Variants in GUCY2C observed in about 807,000 individuals in gnomAD.
The protein encoded by GUCY2C is guanylate cyclase 2C, also known as guanylyl cyclase C.
In GUCY2C, 118 loss-of-function variants were observed where a neutral mutation model predicts 131.1. The observed-to-expected ratio is 0.90, with a 90% CI of 0.78 to 1.05. The LOEUF (loss-of-function observed/expected upper bound fraction) is 1.05. Among genes scored for constraint, GUCY2C ranks in the 50% least tolerant of loss-of-function variants. The pLI is 0.00. For missense variants in GUCY2C, 1,161 were observed against 1,304.4 expected, an observed-to-expected ratio of 0.89 and a Z score of 1.69; for synonymous variants, 452 against 457.8, an observed-to-expected ratio of 0.99 and a Z score of 0.16.
At chr12:14,621,469 AT>A (rs983645554) in intron 22 of GUCY2C, among the ~76,000 whole-genome samples, 2 of 152,176 alleles carry the variant, frequency 1.3e-5, no homozygotes, top group African/African-American at 4.8e-5. Context: ...AATTATATAA[AT>A]TGTCCAGATG....
At chr12:14,614,348 T>C (rs1946713126) in intron 26 of GUCY2C, among the ~76,000 whole-genome samples, 1 of 152,184 alleles carries the variant, frequency 6.6e-6, no homozygotes, top group African/African-American at 2.4e-5. Flanking sequence ...ATATATAGTA[T>C]ATTTTCTGCA....
Position 14,625,877 on chromosome 12 carries a change from G to T in GUCY2C, c.2288C>A (p.Thr763Asn), listed in dbSNP as rs1947003293. ...ATATAGCTGTAGACGTCGGATCAAG[G>T]TATCCATATAGCTTTCATTTTTTTG... is the stretch of plus-strand genomic sequence containing the variant. ...HDQKNESYMD[T>N]LIRRLQLYSR... Residue 763 changes from threonine to asparagine, a missense_variant, in exon 21 of 27, where the codon ACC becomes AAC. Thr to Asn is a moderately conservative substitution (Grantham distance 65). Transcript: ENST00000261170. 1.2e-6 allele frequency: 2 copies of T among 1,613,396 alleles called. No individual in the cohort carries two copies. The highest frequency in any genetic ancestry group is 1.3e-5 in the African/African-American group (1 of 74,860).
At chr12:14,631,180 A>C (rs1268849158) in intron 19 of GUCY2C, among the ~76,000 whole-genome samples, 1 of 152,190 alleles carries the variant, frequency 6.6e-6, no homozygotes, top group African/African-American at 2.4e-5. Context: ...TTTATCCCAC[A>C]AGGAACAAAA....
In GUCY2C at chr12:14,641,576, T is replaced by C. The variant is rs1002818909; in HGVS notation, c.1931-357A>G. On this transcript the variant is annotated intron_variant, in intron 17 of 26. Coordinates refer to ENST00000261170, the MANE Select transcript of GUCY2C (RefSeq NM_004963.4). ...GTAAATATATGTTGAATGAATACAG[T>C]AGAATATGAGAGGCTGAGGAATTTA... 4.6e-5 allele frequency among the ~76,000 whole-genome samples: 7 copies of C among 152,254 alleles called. No homozygotes were observed. In the South Asian group the frequency reaches 1.0e-3, roughly 23 times the overall value.
Position 14,669,706 on chromosome 12 carries a change from A to T in GUCY2C, c.1282+16T>A, listed in dbSNP as rs377567013. 5.2e-5 allele frequency: 65 copies of T among 1,253,578 alleles called. No individual in the cohort carries two copies. Among genetic ancestry groups the T allele is most frequent in the South Asian group, 2.7e-4 (21 of 78,860 alleles). The allele number at this position is 1,253,578 out of a possible 1,614,324, so 77.7% of individuals were successfully genotyped here. ...AAACAGTGTCAGGGAGAGAAAATTC[A>T]TTAGGGATATCTTACCCCGGCCTGT... On this transcript the variant is annotated intron_variant, in intron 10 of 26. Transcript: ENST00000261170.
At chr12:14,676,358 A>C (rs983740311) in intron 7 of GUCY2C, among the ~76,000 whole-genome samples, 5 of 152,218 alleles carry the variant, frequency 3.3e-5, no homozygotes, top group Non-Finnish European at 7.3e-5. Flanking sequence ...TCCTGGGCAA[A>C]TTTGGACAAT....
intron 16 of GUCY2C, among the ~76,000 whole-genome samples, chr12:14,644,681 C>T (rs1947479508): frequency 6.6e-6 from 1 of 151,238 alleles, no homozygotes; most frequent in African/African-American, 2.4e-5. Flanking sequence ...ATTATTGATT[C>T]CTGCAAGATG....
intron 18 of GUCY2C, 74 bp from the exon 19 acceptor site, chr12:14,640,024 T>G (rs1565613901): frequency 4.1e-6 from 4 of 985,420 alleles, no homozygotes; most frequent in Non-Finnish European, 4.9e-6. Context: ...TCAACAGAAA[T>G]CCAGTTGATT....
chr12:14,641,924 G>A (rs927701855), intron 17 of GUCY2C, among the ~76,000 whole-genome samples: 4 of 147,916 alleles, frequency 2.7e-5, no homozygotes, highest in Non-Finnish European at 1.5e-5. Flanking sequence ...GTGACAGAGC[G>A]AGACTCCATC....
chr12:14,649,596 A>G (rs779827481), intron 15 of GUCY2C, among the ~76,000 whole-genome samples: 2 of 152,222 alleles, frequency 1.3e-5, no homozygotes, highest in Admixed American at 1.3e-4. Flanking sequence ...GGTTAATTCT[A>G]TGAATGGAAC....
chr12:14,678,727 T>A (rs1308762492), intron 6 of GUCY2C, among the ~76,000 whole-genome samples: 3 of 152,144 alleles, frequency 2.0e-5, no homozygotes. Flanking sequence ...TACAGACAGG[T>A]AATGATTAAT....
chr12:14,675,336 CA>C (rs1031834240), intron 7 of GUCY2C, among the ~76,000 whole-genome samples: 1 of 150,534 alleles, frequency 6.6e-6, no homozygotes, highest in Non-Finnish European at 1.5e-5. Flanking sequence ...ATGAGGGAAG[CA>C]ACTATAAGCA....
In GUCY2C at chr12:14,672,868, C is replaced by T. The variant is rs372300028; in HGVS notation, c.1170+5G>A. 6.5e-7 allele frequency: 1 copy of T among 1,546,844 alleles called. No individual in the cohort carries two copies. Among genetic ancestry groups the T allele is most frequent in the South Asian group, 1.1e-5 (1 of 89,620 alleles). ...CTGAATTTTCTGATAAGCAGTGAGA[C>T]ATACTTTCTTGGTGTCCACAGAGGT... is the stretch of plus-strand genomic sequence containing the variant. On this transcript the variant is annotated splice_donor_5th_base_variant and intron_variant, in intron 9 of 26. Transcript: ENST00000261170.
At chr12:14,631,294 A>G (rs1392732898) in intron 19 of GUCY2C, among the ~76,000 whole-genome samples, 4 of 151,988 alleles carry the variant, frequency 2.6e-5, no homozygotes, top group East Asian at 3.9e-4. Context: ...GGTTAGTTAC[A>G]TATGTATACA....
intron 11 of GUCY2C, among the ~76,000 whole-genome samples, chr12:14,657,939 T>C (rs1947794473): frequency 6.6e-6 from 1 of 152,230 alleles, no homozygotes; most frequent in African/African-American, 2.4e-5. Flanking sequence ...TCTTGAGAAT[T>C]CCCATTTTCT....
intron 10 of GUCY2C, chr12:14,665,720 TTAAA>T (rs1300130972): frequency 6.6e-6 from 1 of 152,206 alleles, no homozygotes; most frequent in Non-Finnish European, 1.5e-5. Context: ...TTGTCTGGCA[TTAAA>T]TAAATATCTT....
chr12:14,646,453 TC>T (rs1357312562), intron 15 of GUCY2C, among the ~76,000 whole-genome samples: 1 of 152,152 alleles, frequency 6.6e-6, no homozygotes, highest in African/African-American at 2.4e-5. Context: ...ATGCCTTCTC[TC>T]CCTTTAGCGC....
chr12:14,635,320 A>G (rs1202115471), intron 19 of GUCY2C, among the ~76,000 whole-genome samples: 1 of 152,228 alleles, frequency 6.6e-6, no homozygotes, highest in African/African-American at 2.4e-5. Context: ...AACTTTGGAA[A>G]CTACACAAAT....
At chr12:14,658,700 A>G (rs1947808133) in intron 11 of GUCY2C, among the ~76,000 whole-genome samples, 1 of 152,144 alleles carries the variant, frequency 6.6e-6, no homozygotes, top group Non-Finnish European at 1.5e-5. Context: ...AATTTTAAAA[A>G]GTCATTTTTA....
Sources: gnomAD v4.1 joint callset for allele counts (sites outside exome capture counted in the v4.1 genomes callset) on GRCh38, gnomAD v4.1.1 for gene constraint, MANE v1.5 for transcripts, NCBI Gene and HGNC (gene_info 2026-07-23, HGNC 2026-07-21) for gene names.